The following AGO2 variants were observed in gnomAD, a reference collection of about 807,000 sequenced individuals.
AGO2 encodes the protein protein argonaute-2.
AGO2 carries 5 observed loss-of-function variants against 102.3 expected under a neutral mutation model. The observed-to-expected ratio is 0.05, with a 90% CI of 0.03 to 0.10. AGO2 has a LOEUF of 0.10. Among genes scored for constraint, AGO2 ranks in the 10% least tolerant of loss-of-function variants. AGO2 has a pLI of 1.00. For missense variants in AGO2, 541 were observed against 1,183.7 expected, an observed-to-expected ratio of 0.46 and a Z score of 7.97; for synonymous variants, 449 against 473.1, an observed-to-expected ratio of 0.95 and a Z score of 0.66.
intron 11 of AGO2, among the ~76,000 whole-genome samples, chr8:140,550,198 G>A (rs1192985550): frequency 2.0e-5 from 3 of 152,206 alleles, no homozygotes; most frequent in African/African-American, 7.2e-5. Context: ...AGGACAGATG[G>A]CCACTCGCCA....
Position 140,547,482 on chromosome 8 carries a change from C to T in AGO2, c.1734G>A (p.Leu578=). ...NVKLGGVNNI[L]LPQGRPPVFQ... is the part of the protein sequence containing the mutation. ...CCGGGCCTCACCTGCCCTGGGGCAG[C>T]AGGATGTTGTTCACGCCTCCCAGCT... Residue 578 remains leucine, a synonymous_variant, in exon 13 of 19, where the codon CTG becomes CTA. Transcript: ENST00000220592. 1 of 1,613,936 alleles carries T rather than the reference C, an allele frequency of 6.2e-7. No individual in the cohort carries two copies.
At chr8:140,583,584 T>C (rs962481715) in intron 2 of AGO2, among the ~76,000 whole-genome samples, 1 of 152,120 alleles carries the variant, frequency 6.6e-6, no homozygotes, top group Non-Finnish European at 1.5e-5. Context: ...TACATCTACA[T>C]ATACCTAGGT....
rs905630231 is a variant in AGO2 at position 140,557,214 on chromosome 8, C to T, written c.901G>A (p.Gly301Arg). Residue 301 changes from glycine (G) to arginine (R), a missense_variant, in exon 8 of 19, where the codon GGG becomes AGG. Transcript: ENST00000220592. This position sits in a 1 kb window ranked among gnomAD's most constrained non-coding sequence, Gnocchi z 5.9. ...GCCACCGTGCACTCCACCGTCTGCCCGCTCTCCTGCTGCAGCGGGAATCTG... is the reference window on the plus strand; with the variant it reads ...GCCACCGTGCACTCCACCGTCTGCCTGCTCTCCTGCTGCAGCGGGAATCTG... ...HQTFPLQQES[G>R]QTVECTVAQY... 2 of 1,613,524 alleles carry T rather than the reference C, an allele frequency of 1.2e-6. No homozygotes were observed. The highest frequency in any genetic ancestry group is 1.7e-6 in the Non-Finnish European group (2 of 1,179,656).
rs207470033 is a variant in AGO2, at chr8:140,526,613, C to G, written c.*5431G>C. 1 of 152,174 alleles carries G rather than the reference C, an allele frequency of 6.6e-6. No homozygotes were observed. The highest frequency in any genetic ancestry group is 2.4e-5 in the African/African-American group (1 of 41,430). The allele number at this position is 152,174 out of a possible 1,614,324, so 9.4% of individuals were successfully genotyped here. Reference sequence around the variant, plus strand: ...CAGTGTGGACAGCTACACTTAAGAGCAAACATGATGAATCTATTGAGAATT... The same window carrying G: ...CAGTGTGGACAGCTACACTTAAGAGGAAACATGATGAATCTATTGAGAATT... On this transcript the variant is annotated 3_prime_UTR_variant, in exon 19 of 19. Transcript: ENST00000220592. This position sits in a 1 kb window ranked among gnomAD's most constrained non-coding sequence, Gnocchi z 5.2.
intron 3 of AGO2, among the ~76,000 whole-genome samples, chr8:140,564,470 G>C (rs1455863402): frequency 6.6e-6 from 1 of 152,170 alleles, no homozygotes; most frequent in Non-Finnish European, 1.5e-5. Flanking sequence ...GTTATATATG[G>C]ATTTCCTTCA....
At position 140,551,422 on chromosome 8, in the gene AGO2, C is replaced by A. The variant is rs559356764; in HGVS notation, c.1284G>T (p.Ala428=). The change falls in exon 11 of 19, where the codon GCG becomes GCT. Residue 428 remains alanine (A), a synonymous_variant. Coordinates refer to ENST00000220592, the MANE Select transcript of AGO2 (RefSeq NM_012154.5). ...ILYGGRNKAI[A]TPVQGVWDMR... is the part of the protein sequence containing the mutation. ...TGTCCCAGACGCCCTGGACAGGGGT[C>A]GCAATAGCTTTATTCTGCAAATGGC... The A allele has an allele frequency of 6.4e-7, 1 of 1,572,602 alleles. No individual in the cohort carries two copies. Among genetic ancestry groups the A allele is most frequent in the Non-Finnish European group, 8.7e-7 (1 of 1,153,874 alleles).
At chr8:140,534,377 G>T (rs6994531) in intron 17 of AGO2, among the ~76,000 whole-genome samples, 5,999 of 152,324 alleles carry the variant, frequency 0.039, 156 homozygotes, top group African/African-American at 0.073. Flanking sequence ...AGGGAAGACT[G>T]AACAGAGGGC....
At chr8:140,606,913 G>A (rs2074005142) in intron 1 of AGO2, among the ~76,000 whole-genome samples, 1 of 151,548 alleles carries the variant, frequency 6.6e-6, no homozygotes, top group East Asian at 1.9e-4. Flanking sequence ...CTCCAGCCTG[G>A]GTGACAGAGC....
intron 11 of AGO2, among the ~76,000 whole-genome samples, chr8:140,549,773 A>C (rs1158411041): frequency 2.6e-5 from 4 of 152,236 alleles, no homozygotes; most frequent in African/African-American, 7.2e-5. Flanking sequence ...TCTGATGGGC[A>C]TAACTTGGAC....
chr8:140,536,901 T>C (rs2072708305), intron 16 of AGO2, among the ~76,000 whole-genome samples: 1 of 152,182 alleles, frequency 6.6e-6, no homozygotes, highest in Non-Finnish European at 1.5e-5. Flanking sequence ...CCTTCCTATG[T>C]CTTTAGGCTT....
intron 10 of AGO2, among the ~76,000 whole-genome samples, chr8:140,553,415 T>G (rs921089092): frequency 4.7e-5 from 7 of 150,384 alleles, no homozygotes; most frequent in African/African-American, 1.5e-4. Context: ...TTTTTTGTTT[T>G]TTTTTTTTTT....
chr8:140,632,543 G>A lies in AGO2; in HGVS notation c.22+2942C>T, dbSNP rs2074354922. Among the ~76,000 whole-genome samples, 5 of 152,172 alleles carry A rather than the reference G, an allele frequency of 3.3e-5. No individual in the cohort carries two copies. In the South Asian group the frequency reaches 1.0e-3, roughly 31 times the overall value. On this transcript the variant is annotated intron_variant, in intron 1 of 18. Coordinates refer to ENST00000220592, the MANE Select transcript of AGO2 (RefSeq NM_012154.5). ...GTTACTTTGTGGCAAATCTGCGAGGGGTGTAACACACGGGAGCTTGAAAGT... is the reference window on the plus strand; with the variant it reads ...GTTACTTTGTGGCAAATCTGCGAGGAGTGTAACACACGGGAGCTTGAAAGT...
rs563647249 is a variant in AGO2, at chr8:140,559,483, A to C, written c.702T>G (p.Val234=). 6.2e-7 allele frequency: 1 copy of C among 1,614,264 alleles called. No homozygotes were observed. The highest frequency in any genetic ancestry group is 8.5e-7 in the Non-Finnish European group (1 of 1,180,046). ...TACTTTTAAAATCCAAAACTTCACA[A>C]ACAAACTCGATTACTGGCTGTGCCT... ...FYKAQPVIEF[V]CEVLDFKSIE... The change falls in exon 6 of 19, where the codon GTT becomes GTG. Residue 234 remains valine, a synonymous_variant. Transcript: ENST00000220592.
intron 1 of AGO2, among the ~76,000 whole-genome samples, chr8:140,617,545 G>A (rs1025813049): frequency 2.0e-5 from 3 of 152,244 alleles, no homozygotes; most frequent in Non-Finnish European, 4.4e-5. Context: ...AAGCCACTGC[G>A]CCTGGCCGAG....
At chr8:140,602,184 G>C (rs935003589) in intron 1 of AGO2, among the ~76,000 whole-genome samples, 2 of 152,142 alleles carry the variant, frequency 1.3e-5, no homozygotes, top group African/African-American at 4.8e-5. Flanking sequence ...TTTTAACAGA[G>C]TAGAATAGAT....
chr8:140,630,547 A>G (rs1778653767), intron 1 of AGO2, among the ~76,000 whole-genome samples: 1 of 152,232 alleles, frequency 6.6e-6, no homozygotes, highest in South Asian at 2.1e-4. Context: ...GGGGCTCTCA[A>G]TGTGTGGCGT....
chr8:140,532,687 A>G, intron 17 of AGO2, 72 bp from the exon 18 acceptor site: 3 of 1,453,116 alleles, frequency 2.1e-6, no homozygotes, highest in South Asian at 1.2e-5. Context: ...GAGAAGATTT[A>G]TATTTGTATT....
In AGO2 at chr8:140,555,878, C is replaced by G; in HGVS notation, c.1269+18G>C. The G allele has an allele frequency of 6.2e-7, 1 of 1,609,622 alleles. No individual in the cohort carries two copies. The highest frequency in any genetic ancestry group is 2.2e-5 in the East Asian group (1 of 44,732). On this transcript the variant is annotated intron_variant, in intron 10 of 18. Coordinates refer to ENST00000220592, the MANE Select transcript of AGO2 (RefSeq NM_012154.5). ...GACATGCCCCGCAGCCACACGTTCC[C>G]CGCCGCCCCACACGTACCCTGCCCC...
At chr8:140,630,635 A>T (rs13248602) in intron 1 of AGO2, among the ~76,000 whole-genome samples, 1 of 151,996 alleles carries the variant, frequency 6.6e-6, no homozygotes, top group South Asian at 2.1e-4. Context: ...AAGGGCAGAG[A>T]TATGTGAAAG....
Sources: gnomAD v4.1 joint callset for allele counts (sites outside exome capture counted in the v4.1 genomes callset) on GRCh38, gnomAD v4.1.1 for gene constraint, Gnocchi (gnomAD v3.1) non-coding constraint, MANE v1.5 for transcripts, NCBI Gene and HGNC (gene_info 2026-07-23, HGNC 2026-07-21) for gene names.